ROBO2: variants seen among roughly 807,000 people sequenced by gnomAD.
ROBO2 encodes the protein roundabout guidance receptor 2, also known as roundabout homolog 2.
In ROBO2, 53 loss-of-function variants were observed where a neutral mutation model predicts 160.8. The observed-to-expected ratio is 0.33, with a 90% CI of 0.26 to 0.41. ROBO2 has a LOEUF of 0.41. Ranked by LOEUF, ROBO2 falls within the 10% of genes least tolerant of loss-of-function variation. ROBO2 has a pLI of 1.00. For missense variants in ROBO2, 1,577 were observed against 1,722.4 expected (o/e 0.92, Z 1.49); for synonymous variants, 664 against 611.7 (o/e 1.09, Z -1.26).
chr3:76,606,965 A>G (rs1002393477), intron 2 of ROBO2, among the ~76,000 whole-genome samples: 1 of 152,246 alleles, frequency 6.6e-6, no homozygotes, highest in Non-Finnish European at 1.5e-5. Context: ...AATATGGAAT[A>G]AATATTTCAT....
chr3:76,294,167 G>A (rs1444321790), intron 2 of ROBO2, among the ~76,000 whole-genome samples: 1 of 152,174 alleles, frequency 6.6e-6, no homozygotes, highest in Non-Finnish European at 1.5e-5. Flanking sequence ...AGACCAGGCA[G>A]TGGGAGCAGT....
At chr3:76,306,325 C>A (rs1253216572) in intron 2 of ROBO2, among the ~76,000 whole-genome samples, 5 of 151,824 alleles carry the variant, frequency 3.3e-5, no homozygotes, top group Admixed American at 3.3e-4. Context: ...TTATCTCATA[C>A]ACATTCAATC....
At chr3:76,881,791 G>A (rs1374779748) in intron 2 of ROBO2, among the ~76,000 whole-genome samples, 2 of 152,180 alleles carry the variant, frequency 1.3e-5, no homozygotes, top group Non-Finnish European at 2.9e-5. Flanking sequence ...TGTGATTATG[G>A]CCTTGGCTAT....
intron 2 of ROBO2, among the ~76,000 whole-genome samples, chr3:77,367,491 C>T (rs1193572688): frequency 2.6e-5 from 4 of 151,920 alleles, no homozygotes; most frequent in African/African-American, 4.8e-5. Flanking sequence ...GGATCATAAC[C>T]GGACTCGCGA....
chr3:76,515,602 A>C (rs887243970), intron 2 of ROBO2, among the ~76,000 whole-genome samples: 7 of 152,160 alleles, frequency 4.6e-5, no homozygotes, highest in African/African-American at 1.7e-4. Context: ...TTGCATATAA[A>C]GCCTAAGCAT....
intron 2 of ROBO2, chr3:76,434,726 C>A: frequency 1.8e-6 from 2 of 1,086,240 alleles, no homozygotes; most frequent in Non-Finnish European, 2.9e-6. Context: ...CTCCCCCAGT[C>A]TCTACCAGTT....
At chr3:77,015,476 G>T (rs2062181436) in intron 2 of ROBO2, among the ~76,000 whole-genome samples, 1 of 152,130 alleles carries the variant, frequency 6.6e-6, no homozygotes, top group Non-Finnish European at 1.5e-5. Flanking sequence ...GAAGGATCAA[G>T]AAATATTTAA....
chr3:76,170,729 T>G (rs1575740256), intron 2 of ROBO2, among the ~76,000 whole-genome samples: 1 of 152,274 alleles, frequency 6.6e-6, no homozygotes, highest in African/African-American at 2.4e-5. Flanking sequence ...TAAAAATAAT[T>G]TAAGGTGATT....
At chr3:76,151,315 T>A (rs2072190739) in intron 2 of ROBO2, among the ~76,000 whole-genome samples, 1 of 152,220 alleles carries the variant, frequency 6.6e-6, no homozygotes, top group African/African-American at 2.4e-5. Flanking sequence ...TGTCCCTTGT[T>A]TTTTCTTTCC....
intron 2 of ROBO2, among the ~76,000 whole-genome samples, chr3:77,009,680 G>A (rs2061763686): frequency 6.6e-6 from 1 of 151,880 alleles, no homozygotes; most frequent in African/African-American, 2.4e-5. Flanking sequence ...TCACTCTTGG[G>A]TCCACAGTGG....
intron 2 of ROBO2, among the ~76,000 whole-genome samples, chr3:76,577,768 TA>T (rs2085398881): frequency 6.6e-6 from 1 of 152,168 alleles, no homozygotes. Flanking sequence ...AACCTTATCA[TA>T]ATCCCTATAT....
rs758369001 is a variant in ROBO2, at chr3:77,080,214, G to GT, written c.62-17799dup. Reference sequence around the variant, plus strand: ...TGTCTGTAACTAGAAGGACAACACCGTAAGTCACGTACCTATTCAGCGGGT... The same window carrying GT: ...TGTCTGTAACTAGAAGGACAACACCGTTAAGTCACGTACCTATTCAGCGGGT... On this transcript the variant is annotated intron_variant, in intron 1 of 25. Coordinates refer to ENST00000461745, the Ensembl canonical transcript of ROBO2. Among the ~76,000 whole-genome samples, 36 of 152,108 alleles carry GT rather than the reference G, an allele frequency of 2.4e-4. 1 individual carries two copies. Among genetic ancestry groups the GT allele is most frequent in the Non-Finnish European group, 4.7e-4 (32 of 68,022 alleles).
intron 2 of ROBO2, among the ~76,000 whole-genome samples, chr3:76,707,027 T>TAC (rs977177575): frequency 3.9e-4 from 60 of 152,086 alleles, no homozygotes; most frequent in African/African-American, 1.3e-3. Flanking sequence ...CATATATATA[T>TAC]ATATTCTAAT....
chr3:77,313,126 T>G (rs1318663308), intron 2 of ROBO2, among the ~76,000 whole-genome samples: 2 of 152,248 alleles, frequency 1.3e-5, no homozygotes, highest in Non-Finnish European at 2.9e-5. Flanking sequence ...AGATAAAGCA[T>G]AGGTGTGCAT....
chr3:76,633,483 A>G (rs2109502704), intron 2 of ROBO2, among the ~76,000 whole-genome samples: 1 of 152,316 alleles, frequency 6.6e-6, no homozygotes, highest in East Asian at 1.9e-4. Flanking sequence ...CCACATTCTC[A>G]TCATTCACAA....
At chr3:76,863,373 G>C (rs2071005950) in intron 2 of ROBO2, among the ~76,000 whole-genome samples, 1 of 151,444 alleles carries the variant, frequency 6.6e-6, no homozygotes, top group South Asian at 2.1e-4. Flanking sequence ...GGGAAGTCGA[G>C]GCTACAGTGA....
At chr3:76,462,227 G>A (rs1438973467) in intron 2 of ROBO2, among the ~76,000 whole-genome samples, 3 of 152,072 alleles carry the variant, frequency 2.0e-5, no homozygotes, top group South Asian at 2.1e-4. Flanking sequence ...GCCAAATGTC[G>A]ATTTTTCATT....
intron 2 of ROBO2, among the ~76,000 whole-genome samples, chr3:77,285,457 G>A (rs13316560): frequency 0.31 from 46,474 of 152,030 alleles, 8,540 homozygotes; most frequent in Middle Eastern, 0.45. Context: ...TCTTTCCACA[G>A]CACCATAAAA....
chr3:77,138,052 C>A (rs7433243), intron 2 of ROBO2, among the ~76,000 whole-genome samples: 24 of 152,164 alleles, frequency 1.6e-4, no homozygotes, highest in South Asian at 2.1e-4. Context: ...CTACCAGGAA[C>A]CTTCCTTCTT....
Sources: allele counts gnomAD v4.1 joint callset (sites outside exome capture counted in the v4.1 genomes callset), GRCh38; gene constraint gnomAD v4.1.1; transcripts MANE v1.5; gene names NCBI Gene and HGNC (gene_info 2026-07-23, HGNC 2026-07-21).